Variants in PPP1R9A observed in about 807,000 individuals in gnomAD.
The protein encoded by PPP1R9A is protein phosphatase 1 regulatory subunit 9A, also known as neurabin-1.
A neutral mutation model predicts 141.9 loss-of-function variants in PPP1R9A; 59 were observed. The observed-to-expected ratio is 0.42, with a 90% CI of 0.34 to 0.52. The LOEUF (loss-of-function observed/expected upper bound fraction) is 0.52. Among genes scored for constraint, PPP1R9A ranks in the 20% least tolerant of loss-of-function variants. The probability of loss-of-function intolerance (pLI) is 0.10; values close to 1 mark genes in which losing one functional copy is unlikely to be tolerated. For synonymous variants in PPP1R9A, 500 were observed against 569.7 expected (o/e 0.88, Z 1.74); for missense variants, 1,444 against 1,611.9 (o/e 0.90, Z 1.78).
intron 4 of PPP1R9A, among the ~76,000 whole-genome samples, chr7:95,142,045 C>T (rs1036586638): frequency 6.6e-6 from 1 of 151,924 alleles, no homozygotes; most frequent in Non-Finnish European, 1.5e-5. Context: ...GTTTTTATCT[C>T]TTTGATTATT....
At chr7:95,112,997 G>T (rs575724164) in intron 3 of PPP1R9A, among the ~76,000 whole-genome samples, 77 of 152,046 alleles carry the variant, frequency 5.1e-4, no homozygotes, top group Middle Eastern at 3.4e-3. Flanking sequence ...TCAGGTAAAG[G>T]TTACACTAAA....
intron 13 of PPP1R9A, among the ~76,000 whole-genome samples, 193 bp downstream of exon 13, chr7:95,268,900 GA>G (rs1801712523): frequency 6.6e-6 from 1 of 152,132 alleles, no homozygotes; most frequent in Non-Finnish European, 1.5e-5. Context: ...TTCATTCAGT[GA>G]ACTAACCAAG....
intron 2 of PPP1R9A, among the ~76,000 whole-genome samples, chr7:95,092,061 CA>C (rs1467049879): frequency 6.6e-6 from 1 of 152,134 alleles, no homozygotes; most frequent in Non-Finnish European, 1.5e-5. Context: ...TCCTTTTCCT[CA>C]CCTCCTCATT....
At chr7:95,024,827 A>G (rs1806568933) in intron 2 of PPP1R9A, among the ~76,000 whole-genome samples, 1 of 152,146 alleles carries the variant, frequency 6.6e-6, no homozygotes, top group Admixed American at 6.5e-5. Flanking sequence ...TTATGATGCT[A>G]GCTGGTTATT....
chr7:94,996,598 C>T (rs980967267), intron 2 of PPP1R9A, among the ~76,000 whole-genome samples: 3 of 152,138 alleles, frequency 2.0e-5, no homozygotes, highest in African/African-American at 7.2e-5. Flanking sequence ...TTATTGGCCA[C>T]TGTTTCCTCA....
chr7:95,103,349 T>C (rs1045886199), intron 2 of PPP1R9A, among the ~76,000 whole-genome samples: 1 of 147,608 alleles, frequency 6.8e-6, no homozygotes, highest in Non-Finnish European at 1.5e-5. Flanking sequence ...GTATGTTTGG[T>C]TTTTTTTCAC....
chr7:95,140,337 T>C (rs1470470562), intron 4 of PPP1R9A, among the ~76,000 whole-genome samples: 1 of 152,220 alleles, frequency 6.6e-6, no homozygotes, highest in African/African-American at 2.4e-5. Context: ...TCTAGAATTT[T>C]TAATCCACTA....
chr7:94,908,191 G>A (rs1468681360), intron 1 of PPP1R9A: 1 of 132,654 alleles, frequency 7.5e-6, no homozygotes, highest in Non-Finnish European at 1.6e-5. Flanking sequence ...TGGAGAGGAG[G>A]AAAAAATCGG....
chr7:95,278,527 T>G (rs1345100276), intron 16 of PPP1R9A, among the ~76,000 whole-genome samples: 1 of 152,136 alleles, frequency 6.6e-6, no homozygotes, highest in Non-Finnish European at 1.5e-5. Context: ...TAGGATTCCA[T>G]GAAAAACAAA....
chr7:94,907,690 C>T lies in PPP1R9A; in HGVS notation c.-229C>T, dbSNP rs931004476. On this transcript the variant is annotated 5_prime_UTR_variant, in exon 1 of 20. Transcript: ENST00000433360. ...CTCTCTCTGCGGCCCTAGAGTTAAT[C>T]CCATCAGCCGAGGTGAGGCACCTGT... 6.6e-6 allele frequency: 1 copy of T among 151,762 alleles called. No homozygotes were observed. The highest frequency in any genetic ancestry group is 2.4e-5 in the African/African-American group (1 of 41,272). The allele number at this position is 151,762 out of a possible 1,614,324, so 9.4% of individuals were successfully genotyped here. A position where few individuals can be genotyped will look rare whatever the true frequency, so the allele number is the denominator to read the frequency against.
chr7:94,950,684 A>C (rs1221695656), intron 2 of PPP1R9A, among the ~76,000 whole-genome samples: 1 of 151,964 alleles, frequency 6.6e-6, no homozygotes, highest in Non-Finnish European at 1.5e-5. Flanking sequence ...TGTTTAAAAC[A>C]TTTTTTGCTA....
chr7:95,120,066 C>T (rs1048765226), intron 3 of PPP1R9A, among the ~76,000 whole-genome samples: 7 of 150,142 alleles, frequency 4.7e-5, no homozygotes, highest in African/African-American at 1.7e-4. Flanking sequence ...AAACGATTCT[C>T]CTGCCTCAAC....
intron 2 of PPP1R9A, among the ~76,000 whole-genome samples, chr7:95,061,144 A>G (rs1344366271): frequency 1.3e-5 from 2 of 151,948 alleles, no homozygotes; most frequent in South Asian, 2.1e-4. Context: ...TTATAAGGGG[A>G]CTCCTAAGTC....
At position 94,909,998 on chromosome 7, in the gene PPP1R9A, C is replaced by A; in HGVS notation, c.-116C>A. 1 of 831,584 alleles carries A rather than the reference C, an allele frequency of 1.2e-6. No homozygotes were observed. The highest frequency in any genetic ancestry group is 2.6e-5 in the East Asian group (1 of 39,098). The allele number at this position is 831,584 out of a possible 1,614,324, so 51.5% of individuals were successfully genotyped here. A position where few individuals can be genotyped will look rare whatever the true frequency, so the allele number is the denominator to read the frequency against. On this transcript the variant is annotated 5_prime_UTR_variant, in exon 2 of 20. Transcript: ENST00000433360. ...TGGGACGATCACTGACACCGTATAC[C>A]ATTTGAGAGGTACTTTTCTTGACCC... is the stretch of plus-strand genomic sequence containing the variant.
chr7:95,146,106 A>G (rs1362962942), intron 4 of PPP1R9A, among the ~76,000 whole-genome samples: 3 of 152,214 alleles, frequency 2.0e-5, no homozygotes, highest in Admixed American at 6.5e-5. Context: ...ACAAATTTAC[A>G]TTCCCACCGG....
Position 95,142,450 on chromosome 7 carries a change from G to A in PPP1R9A, c.1650-19417G>A, listed in dbSNP as rs75599121. On this transcript the variant is annotated intron_variant, in intron 4 of 19. Coordinates refer to ENST00000433360, the MANE Select transcript of PPP1R9A (RefSeq NM_001166160.2). ...ATTCTGAGATCATAAAGATTTACTC[G>A]TTCATCTTCCTCTAAGAGTTTTGTA... 7.2e-3 allele frequency among the ~76,000 whole-genome samples: 1,094 copies of A among 151,882 alleles called. 15 individuals are homozygous for A. Among genetic ancestry groups the A allele is most frequent in the African/African-American group, 0.024 (1,015 of 41,444 alleles).
chr7:95,120,266 A>G (rs753149694), intron 3 of PPP1R9A, among the ~76,000 whole-genome samples: 1 of 152,126 alleles, frequency 6.6e-6, no homozygotes, highest in Non-Finnish European at 1.5e-5. Flanking sequence ...CACATGTACT[A>G]TCTTATTAAC....
chr7:95,137,551 G>A (rs1825893485), intron 4 of PPP1R9A, among the ~76,000 whole-genome samples: 2 of 152,050 alleles, frequency 1.3e-5, no homozygotes, highest in South Asian at 4.1e-4. Context: ...ATGGCAGTAG[G>A]ATATTTGGCA....
At chr7:95,229,398 A>G (rs1388042653) in intron 8 of PPP1R9A, among the ~76,000 whole-genome samples, 1 of 151,930 alleles carries the variant, frequency 6.6e-6, no homozygotes, top group African/African-American at 2.4e-5. Context: ...AGCTGCCTGG[A>G]AATAGACTTG....
Sources: allele counts gnomAD v4.1 joint callset (sites outside exome capture counted in the v4.1 genomes callset), GRCh38; gene constraint gnomAD v4.1.1; transcripts MANE v1.5; gene names NCBI Gene and HGNC (gene_info 2026-07-23, HGNC 2026-07-21).